AFG3L2: variants seen among roughly 807,000 people sequenced by gnomAD.
The protein encoded by AFG3L2 is mitochondrial inner membrane m-AAA protease component AFG3L2.
A neutral mutation model predicts 94.5 loss-of-function variants in AFG3L2; 54 were observed. That is an observed-to-expected ratio of 0.57 (90% CI 0.46 to 0.72). The LOEUF (loss-of-function observed/expected upper bound fraction) is 0.72, where lower values mean the gene tolerates loss of function less well. Among genes scored for constraint, AFG3L2 ranks in the 30% least tolerant of loss-of-function variants. The pLI, the probability that AFG3L2 is intolerant of heterozygous loss-of-function variation, is 0.00. For synonymous variants in AFG3L2, 377 were observed against 365.5 expected, an observed-to-expected ratio of 1.03 and a Z score of -0.36; for missense variants, 754 against 994.9, an observed-to-expected ratio of 0.76 and a Z score of 3.26.
At chr18:12,353,332 TGGAG>T (rs1181868325) in intron 9 of AFG3L2, among the ~76,000 whole-genome samples, 174 bp from the exon 10 acceptor site, 2 of 151,946 alleles carry the variant, frequency 1.3e-5, no homozygotes, top group African/African-American at 4.8e-5. Flanking sequence ...CTGACCAACA[TGGAG>T]AAACCCCATC....
chr18:12,362,247 T>C (rs1319744159), intron 6 of AFG3L2, among the ~76,000 whole-genome samples: 1 of 152,230 alleles, frequency 6.6e-6, no homozygotes, highest in Non-Finnish European at 1.5e-5. Flanking sequence ...GCTGTGTGTG[T>C]GCAGCACTGC....
intron 16 of AFG3L2, among the ~76,000 whole-genome samples, chr18:12,333,402 G>A (rs1485815384): frequency 6.9e-6 from 1 of 144,694 alleles, no homozygotes; most frequent in Non-Finnish European, 1.5e-5. Context: ...TTGTCACCCA[G>A]GCTGGAATGC....
Position 12,329,439 on chromosome 18 carries a change from C to T in AFG3L2, c.*126G>A. ...AAGGACTAAGGACTCCTTTCCCCAT[C>T]ATTTCAGCTGGGCCAGTGGCTGGCT... On this transcript the variant is annotated 3_prime_UTR_variant, in exon 17 of 17. Transcript: ENST00000269143. 1 of 1,028,796 alleles carries T rather than the reference C, an allele frequency of 9.7e-7. No homozygotes were observed. Among genetic ancestry groups the T allele is most frequent in the Non-Finnish European group, 1.5e-6 (1 of 656,512 alleles). 63.7% of individuals were successfully genotyped at this position (1,028,796 alleles called of 1,614,324 possible).
In AFG3L2 at chr18:12,370,839, C is replaced by G; in HGVS notation, c.292+10G>C. On this transcript the variant is annotated intron_variant, in intron 3 of 16. Transcript: ENST00000269143. Reference sequence around the variant, plus strand: ...ACACAAAATTCAAATATAATATTGTCAAAAGGTACCTTTTTTCTCTCCCAT... The same window carrying G: ...ACACAAAATTCAAATATAATATTGTGAAAAGGTACCTTTTTTCTCTCCCAT... 6.4e-7 allele frequency: 1 copy of G among 1,551,922 alleles called. No individual in the cohort carries two copies. The highest frequency in any genetic ancestry group is 8.9e-7 in the Non-Finnish European group (1 of 1,126,936).
At chr18:12,346,996 G>A (rs1448874513) in intron 13 of AFG3L2, among the ~76,000 whole-genome samples, 2 of 151,152 alleles carry the variant, frequency 1.3e-5, no homozygotes, top group Admixed American at 6.6e-5. Context: ...AATTAGCCGG[G>A]CATGGTGGCA....
At chr18:12,350,945 TC>T in intron 12 of AFG3L2, 139 bp downstream of exon 12, 1 of 1,172,894 alleles carries the variant, frequency 8.5e-7, no homozygotes, top group South Asian at 1.3e-5. Context: ...AGACCCTGTC[TC>T]AAAAAAAATA....
chr18:12,331,813 ATATATATAT>A (rs1907537991), intron 16 of AFG3L2, among the ~76,000 whole-genome samples: 24 of 3,022 alleles, frequency 7.9e-3, no homozygotes, highest in African/African-American at 9.0e-3. Context: ...AAATAAATAT[ATATATATAT>A]ATATATATAT....
intron 16 of AFG3L2, among the ~76,000 whole-genome samples, chr18:12,333,124 TTATA>T (rs577723517): frequency 0.037 from 3,693 of 98,522 alleles, 154 homozygotes; most frequent in Middle Eastern, 0.063. Flanking sequence ...ATATAATAGA[TTATA>T]TATATAATAT....
intron 13 of AFG3L2, among the ~76,000 whole-genome samples, chr18:12,346,810 A>G (rs1265944483): frequency 1.4e-5 from 2 of 140,470 alleles, no homozygotes; most frequent in Non-Finnish European, 3.0e-5. Context: ...AGGCTGAGGG[A>G]GGAGAATTGC....
chr18:12,360,138 T>A, intron 6 of AFG3L2, 87 bp from the exon 7 acceptor site: 1 of 1,261,438 alleles, frequency 7.9e-7, no homozygotes, highest in Non-Finnish European at 1.1e-6. Flanking sequence ...TTAAGAATTT[T>A]CCAGAAATAC....
intron 1 of AFG3L2, among the ~76,000 whole-genome samples, chr18:12,375,487 G>A (rs909683157): frequency 3.3e-5 from 5 of 152,090 alleles, no homozygotes; most frequent in African/African-American, 9.7e-5. Flanking sequence ...TTGAGAGGAG[G>A]AGGCGGGAGG....
intron 9 of AFG3L2, among the ~76,000 whole-genome samples, chr18:12,355,930 C>G (rs1023410333): frequency 7.9e-5 from 12 of 151,974 alleles, no homozygotes; most frequent in African/African-American, 2.9e-4. Context: ...CCTTGGCCTC[C>G]CAAAGTGCTG....
At chr18:12,375,712 AT>A in intron 1 of AFG3L2, among the ~76,000 whole-genome samples, 1 of 152,218 alleles carries the variant, frequency 6.6e-6, no homozygotes, top group East Asian at 1.9e-4. Flanking sequence ...CGCCCGGCTA[AT>A]TTTTTGTATT....
At chr18:12,331,055 C>A (rs1368841613) in intron 16 of AFG3L2, among the ~76,000 whole-genome samples, 1 of 152,226 alleles carries the variant, frequency 6.6e-6, no homozygotes, top group Non-Finnish European at 1.5e-5. Context: ...ACGTTTCAGT[C>A]AATGATGGGC....
intron 6 of AFG3L2, among the ~76,000 whole-genome samples, chr18:12,363,451 T>C (rs1170523156): frequency 6.6e-6 from 1 of 152,210 alleles, no homozygotes; most frequent in Admixed American, 6.5e-5. Context: ...GATTTTAATT[T>C]TTTTTCCTAA....
In AFG3L2 at chr18:12,344,257, TAAC is replaced by T. The variant is rs765728151; in HGVS notation, c.1664-13_1664-11del. ...GTTTTCTTCTCTAAGCCTAACAAAA[TAAC>T]AACAAAAAAACCCAAGCCATTGTTA... On this transcript the variant is annotated splice_polypyrimidine_tract_variant and intron_variant, in intron 13 of 16. Transcript: ENST00000269143. The T allele has an allele frequency of 8.1e-6, 13 of 1,609,478 alleles. No individual in the cohort carries two copies. In the South Asian group the frequency reaches 1.3e-4, roughly 16 times the overall value.
rs532179680 is a variant in AFG3L2, at chr18:12,358,822, C to T, written c.874G>A (p.Gly292Arg). The T allele has an allele frequency of 1.2e-5, 19 of 1,614,210 alleles. No homozygotes were observed. The highest frequency in any genetic ancestry group is 1.5e-5 in the Non-Finnish European group (18 of 1,180,042). The stretch of plus-strand genomic sequence containing the variant: ...TTTAAGACCTTGGCAGTGGTTTCTC[C>T]GACACTGAAGAGTCCGCCCATCCCT... ...GRGMGGLFSV[G>R]ETTAKVLKDE... The change falls in exon 8 of 17, where the codon GGA (glycine) becomes AGA (arginine). Residue 292 changes from glycine to arginine, a missense_variant. Physicochemically the swap from Gly to Arg is moderately radical, Grantham distance 125 (BLOSUM62 -2). Coordinates refer to ENST00000269143, the MANE Select transcript of AFG3L2 (RefSeq NM_006796.3).
rs757183547 is a variant in AFG3L2, at chr18:12,329,222, C to A, written c.*343G>T. ...AAGAGAAAGCATCCCTTCCCACACG[C>A]CAAGAGTCCAGTGCAACGATCCCTG... On this transcript the variant is annotated 3_prime_UTR_variant, in exon 17 of 17. Coordinates refer to ENST00000269143, the MANE Select transcript of AFG3L2 (RefSeq NM_006796.3). The A allele has an allele frequency of 1.4e-6, 1 of 702,844 alleles. No individual in the cohort carries two copies. The highest frequency in any genetic ancestry group is 1.5e-5 in the South Asian group (1 of 67,592). The allele number at this position is 702,844 out of a possible 1,614,324, so 43.5% of individuals were successfully genotyped here. A position where few individuals can be genotyped will look rare whatever the true frequency, so the allele number is the denominator to read the frequency against.
chr18:12,332,236 G>A (rs2143085656), intron 16 of AFG3L2, among the ~76,000 whole-genome samples: 1 of 148,560 alleles, frequency 6.7e-6, no homozygotes, highest in East Asian at 2.0e-4. Flanking sequence ...TGATTCTCCT[G>A]CCTCAGCCTC....
Sources: allele counts gnomAD v4.1 joint callset (sites outside exome capture counted in the v4.1 genomes callset), GRCh38; gene constraint gnomAD v4.1.1; transcripts MANE v1.5; gene names NCBI Gene and HGNC (gene_info 2026-07-23, HGNC 2026-07-21).